Variants in TAF3 observed in about 807,000 individuals in gnomAD.
TAF3 encodes the protein transcription initiation factor TFIID subunit 3.
TAF3 carries 7 observed loss-of-function variants against 80.6 expected under a neutral mutation model. The observed-to-expected ratio is 0.09, with a 90% confidence interval of 0.05 to 0.16. The LOEUF (loss-of-function observed/expected upper bound fraction) is 0.16. TAF3 is among the 10% of genes least tolerant of loss of function. The pLI is 1.00. For synonymous variants in TAF3, 444 were observed against 446.1 expected, an observed-to-expected ratio of 1.00 and a Z score of 0.06; for missense variants, 921 against 1,140.2, an observed-to-expected ratio of 0.81 and a Z score of 2.77.
chr10:7,939,403 A>G (rs1415403877), intron 2 of TAF3, among the ~76,000 whole-genome samples: 1 of 152,182 alleles, frequency 6.6e-6, no homozygotes, highest in Admixed American at 6.5e-5. Flanking sequence ...TTTTAGAGCT[A>G]GATTATCTTA....
chr10:7,835,475 T>C (rs752913993), intron 2 of TAF3, among the ~76,000 whole-genome samples: 5 of 152,224 alleles, frequency 3.3e-5, no homozygotes, highest in Non-Finnish European at 7.3e-5. Context: ...TTTACCTGGA[T>C]CTTCTCTTCC....
At chr10:7,947,515 T>C (rs1282481808) in intron 2 of TAF3, among the ~76,000 whole-genome samples, 1 of 151,952 alleles carries the variant, frequency 6.6e-6, no homozygotes, top group Non-Finnish European at 1.5e-5. Flanking sequence ...GGGAGGCGAG[T>C]TGATTGCAAT....
At chr10:7,936,582 C>A (rs1234349686) in intron 2 of TAF3, among the ~76,000 whole-genome samples, 1 of 151,794 alleles carries the variant, frequency 6.6e-6, no homozygotes, top group East Asian at 1.9e-4. Flanking sequence ...CTGAGGGTTC[C>A]CATTCACCCA....
intron 2 of TAF3, among the ~76,000 whole-genome samples, chr10:7,898,355 T>C (rs1240943678): frequency 6.6e-6 from 1 of 152,058 alleles, no homozygotes; most frequent in African/African-American, 2.4e-5. Context: ...GACACCAGCC[T>C]GGCCAACATG....
Position 7,964,264 on chromosome 10 carries a change from G to T in TAF3, c.754G>T (p.Val252Phe). Residue 252 changes from valine to phenylalanine, a missense_variant, in exon 3 of 7, where the codon GTT (valine) becomes TTT (phenylalanine). Transcript: ENST00000344293. The surrounding 1 kb of genome is among the most constrained non-coding windows in gnomAD (Gnocchi z 4.1). ...ACCCGAGCCGCCAATGTTGGCTCCA[G>T]TTGCAAAATCACAAATGCCAACTGC... is the stretch of plus-strand genomic sequence containing the variant. ...PSPEPPMLAPVAKSQMPTAKP... is the reference protein window; with the variant it reads ...PSPEPPMLAPFAKSQMPTAKP... The T allele has an allele frequency of 1.2e-6, 2 of 1,614,194 alleles. No individual in the cohort carries two copies. The highest frequency in any genetic ancestry group is 1.7e-6 in the Non-Finnish European group (2 of 1,180,034).
intron 2 of TAF3, among the ~76,000 whole-genome samples, chr10:7,867,871 A>G (rs1183951185): frequency 6.6e-6 from 1 of 152,230 alleles, no homozygotes; most frequent in Non-Finnish European, 1.5e-5. Flanking sequence ...AAGCCTTACC[A>G]ATAATGTAAA....
intron 2 of TAF3, among the ~76,000 whole-genome samples, chr10:7,865,635 G>A (rs1837206827): frequency 6.6e-6 from 1 of 152,206 alleles, no homozygotes. Context: ...CCGGCAGGGT[G>A]GATGCAGCCA....
chr10:7,971,425 C>G (rs1386558068), intron 3 of TAF3, among the ~76,000 whole-genome samples: 1 of 147,534 alleles, frequency 6.8e-6, no homozygotes, highest in Non-Finnish European at 1.5e-5. Context: ...AAATTTGCTG[C>G]TACCCTAGCT....
chr10:7,904,234 A>C (rs1239114604), intron 2 of TAF3, among the ~76,000 whole-genome samples: 1 of 152,192 alleles, frequency 6.6e-6, no homozygotes, highest in East Asian at 1.9e-4. Flanking sequence ...TGTCTTGGGC[A>C]GTATGGTAGT....
chr10:7,929,846 A>G lies in TAF3; in HGVS notation c.410-34074A>G, dbSNP rs150182088. On this transcript the variant is annotated intron_variant, in intron 2 of 6. Transcript: ENST00000344293. ...GAAAAAAAAAATGTCCAGGCATGAC[A>G]AGAAAAGAGAACAGTAAGAGTAGGT... Among the ~76,000 whole-genome samples the G allele has an allele frequency of 1.9e-4, 29 of 152,278 alleles. No homozygotes were observed. The East Asian group carries it at 5.6e-3, about 29-fold the overall frequency.
chr10:7,874,923 T>C (rs1564353790), intron 2 of TAF3, among the ~76,000 whole-genome samples: 1 of 152,160 alleles, frequency 6.6e-6, no homozygotes, highest in Non-Finnish European at 1.5e-5. Context: ...TAAAAAATCC[T>C]TTCTAAACTT....
chr10:7,935,579 G>A (rs934593752), intron 2 of TAF3, among the ~76,000 whole-genome samples: 1 of 152,096 alleles, frequency 6.6e-6, no homozygotes, highest in African/African-American at 2.4e-5. Flanking sequence ...GAGAGACAAC[G>A]TCTCAAATAA....
chr10:7,863,554 G>T (rs1225026390), intron 2 of TAF3, among the ~76,000 whole-genome samples: 1 of 141,988 alleles, frequency 7.0e-6, no homozygotes, highest in African/African-American at 2.7e-5. Flanking sequence ...AGGTTGCAGC[G>T]AGCTGAGATC....
chr10:7,887,727 G>GT (rs954925557), intron 2 of TAF3, among the ~76,000 whole-genome samples: 111 of 152,004 alleles, frequency 7.3e-4, no homozygotes, highest in Admixed American at 1.4e-3. Context: ...AGCTAAAATC[G>GT]GGGGGGATAA....
At position 7,964,374 on chromosome 10, in the gene TAF3, C is replaced by T. The variant is rs903689181; in HGVS notation, c.864C>T (p.Thr288=). 14 of 1,614,078 alleles carry T rather than the reference C, an allele frequency of 8.7e-6. No homozygotes were observed. The highest frequency in any genetic ancestry group is 1.1e-5 in the Non-Finnish European group (13 of 1,180,026). The part of the protein sequence containing the change: ...SPGQKTKSPK[T]AQSPAMVGSP... ...GACAGAAGACTAAATCACCTAAAAC[C>T]GCCCAGTCACCAGCAATGGTCGGAA... The change falls in exon 3 of 7, where the codon ACC becomes ACT. Residue 288 remains threonine (T), a synonymous_variant. Transcript: ENST00000344293. The surrounding 1 kb of genome is among the most constrained non-coding windows in gnomAD (Gnocchi z 4.1).
chr10:7,823,491 C>T (rs540159292), intron 1 of TAF3, among the ~76,000 whole-genome samples: 3 of 151,982 alleles, frequency 2.0e-5, no homozygotes, highest in Admixed American at 2.0e-4. Flanking sequence ...AAAAAATTAC[C>T]CAGGCATGGT....
chr10:7,923,645 C>T (rs189835098), intron 2 of TAF3, among the ~76,000 whole-genome samples: 11 of 150,824 alleles, frequency 7.3e-5, no homozygotes, highest in African/African-American at 2.4e-4. Context: ...GGTTTTCATC[C>T]TGTATTCAAT....
At position 7,818,704 on chromosome 10, in the gene TAF3, A is replaced by T. The variant is rs757255730; in HGVS notation, c.-6A>T. 6.2e-7 allele frequency: 1 copy of T among 1,602,520 alleles called. No homozygotes were observed. Among genetic ancestry groups the T allele is most frequent in the Non-Finnish European group, 8.5e-7 (1 of 1,176,174 alleles). Reference sequence around the variant, plus strand: ...GCAAGGGCTGCGGTGGCGTCCACGCAGCGGGATGTGCGAGAGTTACTCCAG... The same window carrying T: ...GCAAGGGCTGCGGTGGCGTCCACGCTGCGGGATGTGCGAGAGTTACTCCAG... On this transcript the variant is annotated 5_prime_UTR_variant, in exon 1 of 7. Coordinates refer to ENST00000344293, the MANE Select transcript of TAF3 (RefSeq NM_031923.4).
intron 2 of TAF3, among the ~76,000 whole-genome samples, chr10:7,959,392 T>C (rs1223234344): frequency 6.6e-6 from 1 of 152,230 alleles, no homozygotes; most frequent in African/African-American, 2.4e-5. Flanking sequence ...TTATAATTCA[T>C]TTCTATTCCT....
Sources: allele counts gnomAD v4.1 joint callset (sites outside exome capture counted in the v4.1 genomes callset), GRCh38; gene constraint gnomAD v4.1.1; non-coding constraint Gnocchi (gnomAD v3.1); transcripts MANE v1.5; gene names NCBI Gene and HGNC (gene_info 2026-07-23, HGNC 2026-07-21).